GPR158: variants seen among roughly 807,000 people sequenced by gnomAD.
GPR158 encodes G protein-coupled receptor 158, also known as metabotropic glycine receptor.
A neutral mutation model predicts 78.2 loss-of-function variants in GPR158; 30 were observed. The ratio of observed to expected loss-of-function variants is 0.38; its 90% CI spans 0.29 to 0.52. GPR158 has a LOEUF of 0.52. GPR158 is among the 20% of genes least tolerant of loss of function. The pLI is 0.83. For synonymous variants in GPR158, 581 were observed against 591.1 expected (o/e 0.98, Z 0.25); for missense variants, 1,463 against 1,523.5 (o/e 0.96, Z 0.66).
At chr10:25,200,139 A>G (rs1476006202) in intron 1 of GPR158, among the ~76,000 whole-genome samples, 2 of 152,204 alleles carry the variant, frequency 1.3e-5, no homozygotes, top group East Asian at 1.9e-4. Context: ...CCAATAGTGT[A>G]TAAGTGTTCT....
intron 2 of GPR158, among the ~76,000 whole-genome samples, chr10:25,310,909 T>C (rs1360341957): frequency 6.6e-6 from 1 of 152,028 alleles, no homozygotes; most frequent in Non-Finnish European, 1.5e-5. Context: ...ATGGATCTGA[T>C]TTTATCTTTC....
intron 5 of GPR158, among the ~76,000 whole-genome samples, chr10:25,537,777 T>A (rs550256903): frequency 9.2e-4 from 140 of 152,100 alleles, no homozygotes; most frequent in African/African-American, 3.2e-3. Flanking sequence ...GATAGTGAGT[T>A]CTCATAAGAT....
chr10:25,310,750 T>C (rs1003379589), intron 2 of GPR158, among the ~76,000 whole-genome samples: 2 of 152,080 alleles, frequency 1.3e-5, no homozygotes, highest in Admixed American at 1.3e-4. Flanking sequence ...GTGAAATTTA[T>C]TATTTTTCTT....
intron 3 of GPR158, among the ~76,000 whole-genome samples, chr10:25,403,309 G>A (rs1458369116): frequency 6.6e-6 from 1 of 151,854 alleles, no homozygotes; most frequent in Non-Finnish European, 1.5e-5. Context: ...TTCACAAATT[G>A]TCACAATTTA....
intron 2 of GPR158, among the ~76,000 whole-genome samples, chr10:25,288,591 G>A (rs1854385944): frequency 6.6e-6 from 1 of 152,162 alleles, no homozygotes; most frequent in Non-Finnish European, 1.5e-5. Flanking sequence ...ATGATGGAGA[G>A]GAACGTAATT....
intron 4 of GPR158, among the ~76,000 whole-genome samples, chr10:25,420,129 G>A (rs890504130): frequency 6.6e-6 from 1 of 151,388 alleles, no homozygotes; most frequent in African/African-American, 2.4e-5. Flanking sequence ...TTTCTTAATA[G>A]GGTCTTTTGA....
intron 3 of GPR158, among the ~76,000 whole-genome samples, chr10:25,402,597 A>G (rs1325372822): frequency 6.6e-6 from 1 of 152,086 alleles, no homozygotes; most frequent in Non-Finnish European, 1.5e-5. Context: ...GAAGAATAGT[A>G]TATGTTTAAA....
rs933422423 is a variant in GPR158, at chr10:25,371,123, A to G, written c.1009-24788A>G. ...CTGATGGGTCTTGACTCTTTATCCA[A>G]TTTGCCAGTCTGTGTCTTTTAATTG... On this transcript the variant is annotated intron_variant, in intron 2 of 10. Transcript: ENST00000376351. Among the ~76,000 whole-genome samples the G allele has an allele frequency of 1.2e-4, 18 of 148,296 alleles. No individual in the cohort carries two copies. In the South Asian group the frequency reaches 2.2e-3, roughly 18 times the overall value.
At chr10:25,379,817 C>T (rs1469420273) in intron 2 of GPR158, among the ~76,000 whole-genome samples, 2 of 151,826 alleles carry the variant, frequency 1.3e-5, no homozygotes, top group East Asian at 3.9e-4. Context: ...CATTCTCAGT[C>T]TTCCCCCAGT....
chr10:25,528,349 A>G (rs1209561473), intron 5 of GPR158, among the ~76,000 whole-genome samples: 1 of 152,010 alleles, frequency 6.6e-6, no homozygotes, highest in Non-Finnish European at 1.5e-5. Context: ...ATATAGAGAG[A>G]GATCCAAGCA....
chr10:25,549,537 G>A (rs549583302), intron 5 of GPR158, among the ~76,000 whole-genome samples: 3 of 151,916 alleles, frequency 2.0e-5, no homozygotes, highest in South Asian at 2.1e-4. Flanking sequence ...GTATCTTCAC[G>A]CAGACCTAGT....
At chr10:25,465,955 C>G (rs1835415644) in intron 4 of GPR158, among the ~76,000 whole-genome samples, 2 of 152,180 alleles carry the variant, frequency 1.3e-5, no homozygotes, top group South Asian at 4.1e-4. Context: ...TAGCTGCAAG[C>G]TGAGGGCTTG....
At position 25,175,261 on chromosome 10, in the gene GPR158, C is replaced by G. The variant is rs1186525644; in HGVS notation, c.-160C>G. The G allele has an allele frequency of 1.8e-6, 1 of 551,774 alleles. No homozygotes were observed. Among genetic ancestry groups the G allele is most frequent in the African/African-American group, 1.9e-5 (1 of 52,496 alleles). 34.2% of individuals were successfully genotyped at this position (551,774 alleles called of 1,614,324 possible). The stretch of plus-strand genomic sequence containing the variant: ...CGACGGTAGCTTAGCCACCCGGGGC[C>G]AATCTCGAAACATTCTTATTTTCAA... On this transcript the variant is annotated 5_prime_UTR_variant, in exon 1 of 11. Coordinates refer to ENST00000376351, the MANE Select transcript of GPR158 (RefSeq NM_020752.3). The surrounding 1 kb of genome is among the most constrained non-coding windows in gnomAD (Gnocchi z 6.4).
intron 4 of GPR158, among the ~76,000 whole-genome samples, chr10:25,436,045 G>A (rs968639192): frequency 6.6e-6 from 1 of 152,122 alleles, no homozygotes; most frequent in African/African-American, 2.4e-5. Flanking sequence ...CTGAGTAGAG[G>A]ATAGTTTCCA....
intron 6 of GPR158, among the ~76,000 whole-genome samples, chr10:25,565,332 G>A (rs550578663): frequency 6.6e-6 from 1 of 152,284 alleles, no homozygotes; most frequent in Admixed American, 6.5e-5. Context: ...TGTGGCCTGG[G>A]ACTATCAGAC....
intron 2 of GPR158, among the ~76,000 whole-genome samples, chr10:25,247,580 C>A (rs1332312965): frequency 7.9e-6 from 1 of 126,784 alleles, no homozygotes; most frequent in Non-Finnish European, 1.6e-5. Context: ...GTTTTTTGTT[C>A]TTGCGATAGT....
chr10:25,317,167 C>T (rs1461700319), intron 2 of GPR158, among the ~76,000 whole-genome samples: 1 of 151,764 alleles, frequency 6.6e-6, no homozygotes, highest in East Asian at 1.9e-4. Flanking sequence ...GCCTCAGTCT[C>T]CTGAGTAATT....
At chr10:25,264,399 G>A (rs1234687500) in intron 2 of GPR158, among the ~76,000 whole-genome samples, 1 of 152,136 alleles carries the variant, frequency 6.6e-6, no homozygotes, top group African/African-American at 2.4e-5. Context: ...GGTGGAGAGA[G>A]GGAGACTTGA....
intron 2 of GPR158, among the ~76,000 whole-genome samples, chr10:25,377,925 G>C (rs1251403336): frequency 6.6e-6 from 1 of 152,054 alleles, no homozygotes; most frequent in Non-Finnish European, 1.5e-5. Context: ...TAGTAACTCT[G>C]TGTTTAACAT....
Sources: allele counts gnomAD v4.1 joint callset (sites outside exome capture counted in the v4.1 genomes callset), GRCh38; gene constraint gnomAD v4.1.1; non-coding constraint Gnocchi (gnomAD v3.1); transcripts MANE v1.5; gene names NCBI Gene and HGNC (gene_info 2026-07-23, HGNC 2026-07-21).